ADGRL2: variants seen among roughly 807,000 people sequenced by gnomAD.
ADGRL2 encodes the protein adhesion G protein-coupled receptor L2, also known as calcium-independent alpha-latrotoxin receptor 2.
A neutral mutation model predicts 157.4 loss-of-function variants in ADGRL2; 44 were observed. The ratio of observed to expected loss-of-function variants is 0.28; its 90% CI spans 0.22 to 0.36. The LOEUF is 0.36. Among genes scored for constraint, ADGRL2 ranks in the 10% least tolerant of loss-of-function variants. ADGRL2 has a pLI of 1.00. For synonymous variants in ADGRL2, 585 were observed against 624.7 expected (o/e 0.94, Z 0.95); for missense variants, 1,510 against 1,768.9 (o/e 0.85, Z 2.63).
intron 2 of ADGRL2, among the ~76,000 whole-genome samples, chr1:81,874,670 C>CTGTCCTGTCA (rs979665880): frequency 6.8e-6 from 1 of 147,220 alleles, no homozygotes; most frequent in Non-Finnish European, 1.5e-5. Context: ...CTGTCCTGTC[C>CTGTCCTGTCA]TGTCATGTCT....
intron 3 of ADGRL2, among the ~76,000 whole-genome samples, chr1:81,908,863 A>G (rs1303985222): frequency 1.5e-5 from 2 of 133,152 alleles, no homozygotes; most frequent in Non-Finnish European, 3.1e-5. Context: ...TCATCTGTAC[A>G]TCTTTTTTTT....
chr1:81,974,818 G>A lies in ADGRL2; in HGVS notation c.3021+2900G>A, dbSNP rs536152066. 7.9e-5 allele frequency among the ~76,000 whole-genome samples: 12 copies of A among 151,930 alleles called. No individual in the cohort carries two copies. The South Asian group carries it at 2.5e-3, about 32-fold the overall frequency. Reference sequence around the variant, plus strand: ...TTTGTATTTTTATGTTCATCAATATGGGTGATGTTTAGCTGTGTCATATCA... The same window carrying A: ...TTTGTATTTTTATGTTCATCAATATAGGTGATGTTTAGCTGTGTCATATCA... On this transcript the variant is annotated intron_variant, in intron 17 of 23. Transcript: ENST00000686636.
chr1:81,327,988 T>C (rs983381750), intron 1 of ADGRL2, among the ~76,000 whole-genome samples: 2 of 152,040 alleles, frequency 1.3e-5, no homozygotes, highest in African/African-American at 2.4e-5. Context: ...GTGGCTAAAA[T>C]CACTTCTTTG....
chr1:81,400,658 G>A (rs184349887), intron 1 of ADGRL2, among the ~76,000 whole-genome samples: 1 of 152,216 alleles, frequency 6.6e-6, no homozygotes, highest in Non-Finnish European at 1.5e-5. Flanking sequence ...AAGCTCAGCT[G>A]TATCCTAGAC....
At chr1:81,416,087 C>T (rs1010659898) in intron 1 of ADGRL2, among the ~76,000 whole-genome samples, 2 of 151,896 alleles carry the variant, frequency 1.3e-5, no homozygotes, top group East Asian at 1.9e-4. Context: ...TGTGACCTCA[C>T]GATCCGCCCA....
chr1:81,984,547 A>T (rs1662602953), intron 19 of ADGRL2, 36 bp from the exon 20 acceptor site: 1 of 1,536,238 alleles, frequency 6.5e-7, no homozygotes, highest in Non-Finnish European at 8.9e-7. Flanking sequence ...CAAGTGTGTT[A>T]TATTAATCCC....
At chr1:81,901,763 C>G (rs2094492051) in intron 2 of ADGRL2, among the ~76,000 whole-genome samples, 6 of 152,062 alleles carry the variant, frequency 3.9e-5, no homozygotes. Flanking sequence ...AAAGGCTTTT[C>G]AAAGTTCCTT....
intron 6 of ADGRL2, among the ~76,000 whole-genome samples, chr1:81,945,707 G>C: frequency 6.6e-6 from 1 of 152,056 alleles, no homozygotes; most frequent in East Asian, 1.9e-4. Flanking sequence ...GGCAGATGTA[G>C]CAACTGTATG....
At chr1:81,726,443 A>T (rs2084532005) in intron 1 of ADGRL2, among the ~76,000 whole-genome samples, 1 of 152,182 alleles carries the variant, frequency 6.6e-6, no homozygotes, top group South Asian at 2.1e-4. Flanking sequence ...ATTACTCAAA[A>T]TGTGCTTAAG....
chr1:81,629,334 A>G (rs1377187435), intron 3 of ADGRL2, among the ~76,000 whole-genome samples: 1 of 152,178 alleles, frequency 6.6e-6, no homozygotes, highest in African/African-American at 2.4e-5. Context: ...GAAGGTATTA[A>G]CAAAAACATC....
At chr1:81,507,317 A>G (rs1394932724) in intron 2 of ADGRL2, among the ~76,000 whole-genome samples, 2 of 152,314 alleles carry the variant, frequency 1.3e-5, no homozygotes, top group Middle Eastern at 3.4e-3. Context: ...AGAAAGTTCT[A>G]CAAGGCGGCA....
intron 1 of ADGRL2, among the ~76,000 whole-genome samples, chr1:81,423,146 A>G (rs2077155262): frequency 6.6e-6 from 1 of 152,260 alleles, no homozygotes; most frequent in Non-Finnish European, 1.5e-5. Flanking sequence ...TAGAAGAAAT[A>G]TAAATCTTCA....
intron 17 of ADGRL2, 23 bp from the exon 18 acceptor site, chr1:81,979,843 GTCT>G (rs755528808): frequency 7.7e-7 from 1 of 1,298,970 alleles, no homozygotes; most frequent in Admixed American, 1.7e-5. Context: ...GTTCATTGTG[GTCT>G]AATTCTTTAT....
intron 3 of ADGRL2, chr1:81,581,081 T>C (rs994047586): frequency 1.7e-4 from 26 of 152,182 alleles, no homozygotes; most frequent in African/African-American, 6.3e-4. Flanking sequence ...TTGTAAAAGA[T>C]GTGGGAAAAA....
In ADGRL2 at chr1:81,941,221, A is replaced by G. The variant is rs567789317; in HGVS notation, c.398-813A>G. Reference sequence around the variant, plus strand: ...TAGTATTACAAGTTTGAGATATATAATATAGAAAATTTAATAAGAATTTTA... The same window carrying G: ...TAGTATTACAAGTTTGAGATATATAGTATAGAAAATTTAATAAGAATTTTA... On this transcript the variant is annotated intron_variant, in intron 4 of 23. Coordinates refer to ENST00000686636, the MANE Select transcript of ADGRL2 (RefSeq NM_001366006.2). Among the ~76,000 whole-genome samples the G allele has an allele frequency of 1.1e-4, 16 of 151,356 alleles. No individual in the cohort carries two copies. The South Asian group carries it at 3.3e-3, about 31-fold the overall frequency.
At chr1:81,901,074 G>A (rs1415650565) in intron 2 of ADGRL2, among the ~76,000 whole-genome samples, 1 of 152,080 alleles carries the variant, frequency 6.6e-6, no homozygotes, top group Admixed American at 6.6e-5. Flanking sequence ...ATCTGAAACC[G>A]GAGTTGCTAA....
intron 1 of ADGRL2, among the ~76,000 whole-genome samples, chr1:81,745,752 T>C (rs2085224671): frequency 6.6e-6 from 1 of 152,214 alleles, no homozygotes; most frequent in Admixed American, 6.5e-5. Context: ...ATGTGGTTTC[T>C]AGGCTGCTCA....
intron 3 of ADGRL2, among the ~76,000 whole-genome samples, chr1:81,919,267 A>T (rs1381048919): frequency 6.6e-6 from 1 of 152,114 alleles, no homozygotes; most frequent in East Asian, 1.9e-4. Context: ...AGCTAGAATA[A>T]CCCATTTTCG....
intron 2 of ADGRL2, among the ~76,000 whole-genome samples, chr1:81,844,386 T>C (rs2092707878): frequency 6.6e-6 from 1 of 152,206 alleles, no homozygotes; most frequent in Non-Finnish European, 1.5e-5. Flanking sequence ...TTTGAATTAA[T>C]ACACTTTAAT....
Sources: allele counts gnomAD v4.1 joint callset (sites outside exome capture counted in the v4.1 genomes callset), GRCh38; gene constraint gnomAD v4.1.1; transcripts MANE v1.5; gene names NCBI Gene and HGNC (gene_info 2026-07-23, HGNC 2026-07-21).